Variants in TSPAN2 observed in about 807,000 individuals in gnomAD.
The protein encoded by TSPAN2 is tetraspanin-2.
Under a neutral mutation model 33.3 loss-of-function variants are expected in TSPAN2, and 24 were observed. That is an observed-to-expected ratio of 0.72 (90% CI 0.52 to 1.01). The LOEUF is 1.01. Among genes scored for constraint, TSPAN2 ranks in the 50% least tolerant of loss-of-function variants. TSPAN2 has a pLI of 0.00. For missense variants in TSPAN2, 278 were observed against 281.3 expected (o/e 0.99, Z 0.08); for synonymous variants, 114 against 104.5 (o/e 1.09, Z -0.56).
At chr1:115,064,437 A>G (rs1220378623) in intron 2 of TSPAN2, among the ~76,000 whole-genome samples, 2 of 152,362 alleles carry the variant, frequency 1.3e-5, no homozygotes, top group East Asian at 3.9e-4. Context: ...AGCCTACAGA[A>G]CAGTTTCCCC....
At chr1:115,059,839 A>G (rs140230736) in intron 4 of TSPAN2, among the ~76,000 whole-genome samples, 34 of 152,372 alleles carry the variant, frequency 2.2e-4, no homozygotes, top group African/African-American at 7.7e-4. Context: ...AAGTTCAGAA[A>G]CATAATATTA....
At chr1:115,065,274 C>T (rs1647908259) in intron 2 of TSPAN2, among the ~76,000 whole-genome samples, 4 of 152,180 alleles carry the variant, frequency 2.6e-5, no homozygotes, top group Admixed American at 2.6e-4. Context: ...CTGTGGCTTC[C>T]AAGGATACTT....
chr1:115,056,165 A>G (rs901861625), intron 6 of TSPAN2, among the ~76,000 whole-genome samples: 1 of 152,254 alleles, frequency 6.6e-6, no homozygotes, highest in Non-Finnish European at 1.5e-5. Context: ...GGTCAATTTC[A>G]TAGATTAAAC....
intron 1 of TSPAN2, among the ~76,000 whole-genome samples, chr1:115,076,193 G>A (rs907845168): frequency 6.6e-6 from 1 of 152,186 alleles, no homozygotes; most frequent in Non-Finnish European, 1.5e-5. Context: ...GGCAAGGAAC[G>A]ACTGGCAGCA....
At chr1:115,069,519 C>T (rs532472483) in intron 2 of TSPAN2, among the ~76,000 whole-genome samples, 3 of 152,172 alleles carry the variant, frequency 2.0e-5, no homozygotes, top group East Asian at 1.9e-4. Flanking sequence ...CACTGACGGC[C>T]GTTTTATCAC....
intron 1 of TSPAN2, among the ~76,000 whole-genome samples, chr1:115,076,074 G>C (rs1469740665): frequency 6.6e-6 from 1 of 152,172 alleles, no homozygotes; most frequent in Non-Finnish European, 1.5e-5. Context: ...GTGCTGAAGA[G>C]GAACAGCATG....
chr1:115,054,152 T>A (rs78212967), intron 6 of TSPAN2, among the ~76,000 whole-genome samples: 1 of 152,168 alleles, frequency 6.6e-6, no homozygotes, highest in South Asian at 2.1e-4. Flanking sequence ...ATTATTAGTT[T>A]CTCCAACTTC....
At chr1:115,079,634 C>T (rs1430326142) in intron 1 of TSPAN2, among the ~76,000 whole-genome samples, 3 of 152,164 alleles carry the variant, frequency 2.0e-5, no homozygotes, top group Admixed American at 2.0e-4. Flanking sequence ...CATATGACAT[C>T]TATGTCAAAT....
intron 2 of TSPAN2, among the ~76,000 whole-genome samples, chr1:115,072,365 G>A (rs1055662346): frequency 6.6e-5 from 10 of 151,900 alleles, no homozygotes; most frequent in Admixed American, 5.9e-4. Flanking sequence ...CCTCCACTCT[G>A]CAGTCCCTAG....
intron 2 of TSPAN2, among the ~76,000 whole-genome samples, chr1:115,066,618 GT>G (rs1404281134): frequency 6.6e-6 from 1 of 152,200 alleles, no homozygotes; most frequent in Non-Finnish European, 1.5e-5. Flanking sequence ...GGGACTGGAC[GT>G]GGTCATCAAT....
At chr1:115,051,361 C>T (rs1234895448) in intron 7 of TSPAN2, among the ~76,000 whole-genome samples, 2 of 152,054 alleles carry the variant, frequency 1.3e-5, no homozygotes, top group Admixed American at 6.5e-5. Context: ...TAAGGGCAAA[C>T]GATGCTTCAC....
intron 2 of TSPAN2, 85 bp from the exon 3 acceptor site, chr1:115,062,317 G>T: frequency 9.8e-7 from 1 of 1,019,890 alleles, no homozygotes; most frequent in Non-Finnish European, 1.5e-6. Context: ...GGGCACTGCA[G>T]AGCATTCTAA....
chr1:115,066,798 A>T (rs966236770), intron 2 of TSPAN2, among the ~76,000 whole-genome samples: 1 of 152,192 alleles, frequency 6.6e-6, no homozygotes, highest in African/African-American at 2.4e-5. Flanking sequence ...GGGAAGGGCA[A>T]GTGTTTCAGA....
chr1:115,079,053 GA>G (rs1648520054), intron 1 of TSPAN2, among the ~76,000 whole-genome samples: 1 of 150,736 alleles, frequency 6.6e-6, no homozygotes, highest in Non-Finnish European at 1.5e-5. Flanking sequence ...CGGATACAAA[GA>G]ATAAATCTAC....
intron 2 of TSPAN2, among the ~76,000 whole-genome samples, chr1:115,069,274 G>A (rs1188354636): frequency 6.6e-6 from 1 of 152,150 alleles, no homozygotes; most frequent in African/African-American, 2.4e-5. Flanking sequence ...TAGGTAAAGG[G>A]AACTCCTCCA....
At position 115,052,945 on chromosome 1, in the gene TSPAN2, G is replaced by C. The variant is rs535142737; in HGVS notation, c.600+434C>G. Among the ~76,000 whole-genome samples, 26 of 152,254 alleles carry C rather than the reference G, an allele frequency of 1.7e-4. No homozygotes were observed. In the East Asian group the frequency reaches 4.4e-3, roughly 26 times the overall value. On this transcript the variant is annotated intron_variant, in intron 7 of 7. Transcript: ENST00000369516. ...GCGATCTCAGAGCTTGCAAATGGTG[G>C]AGCCTAGAGTTAAATCCAAACCATG...
At chr1:115,053,509 C>A in intron 6 of TSPAN2, 47 bp from the exon 7 acceptor site, 1 of 1,487,626 alleles carries the variant, frequency 6.7e-7, no homozygotes, top group South Asian at 1.1e-5. Context: ...TTGTATGTGT[C>A]AGTCATTATC....
chr1:115,058,852 G>C, intron 5 of TSPAN2, 31 bp downstream of exon 5: 1 of 1,512,140 alleles, frequency 6.6e-7, no homozygotes, highest in Non-Finnish European at 9.2e-7. Flanking sequence ...TTTAGAAGCT[G>C]TGATTTTAAG....
intron 1 of TSPAN2, among the ~76,000 whole-genome samples, chr1:115,086,090 GAGAA>G (rs1480553721): frequency 1.3e-5 from 2 of 152,026 alleles, no homozygotes; most frequent in African/African-American, 4.8e-5. Flanking sequence ...AAGGAATCAG[GAGAA>G]AGAGAGCTAA....
Sources: gnomAD v4.1 joint callset for allele counts (sites outside exome capture counted in the v4.1 genomes callset) on GRCh38, gnomAD v4.1.1 for gene constraint, MANE v1.5 for transcripts, NCBI Gene and HGNC (gene_info 2026-07-23, HGNC 2026-07-21) for gene names.